Variants in RAB21 observed in about 807,000 individuals in gnomAD.
The protein encoded by RAB21 is RAB21, member RAS oncogene family.
In RAB21, 13 loss-of-function variants were observed where a neutral mutation model predicts 33.1. That is an observed-to-expected ratio of 0.39 (90% CI 0.26 to 0.62). The LOEUF (loss-of-function observed/expected upper bound fraction) is 0.62, where lower values mean the gene tolerates loss of function less well. Among genes scored for constraint, RAB21 ranks in the 20% least tolerant of loss-of-function variants. The pLI is 0.48. For synonymous variants in RAB21, 91 were observed against 103.7 expected (o/e 0.88, Z 0.74); for missense variants, 234 against 279.1 (o/e 0.84, Z 1.15).
At chr12:71,768,628 T>C (rs1228132346) in intron 1 of RAB21, among the ~76,000 whole-genome samples, 2 of 152,134 alleles carry the variant, frequency 1.3e-5, no homozygotes, top group East Asian at 3.9e-4. Context: ...TCCCTTCCTA[T>C]CCCAGGGTCA....
chr12:71,776,471 T>C (rs775113746), intron 4 of RAB21, among the ~76,000 whole-genome samples: 2 of 152,204 alleles, frequency 1.3e-5, no homozygotes, highest in Non-Finnish European at 2.9e-5. Flanking sequence ...TGTATATTTT[T>C]AATGTTCATA....
At chr12:71,761,789 A>G (rs1289070022) in intron 1 of RAB21, among the ~76,000 whole-genome samples, 1 of 152,084 alleles carries the variant, frequency 6.6e-6, no homozygotes, top group Non-Finnish European at 1.5e-5. Flanking sequence ...TTTTTGAGAC[A>G]CTTGGCTTTT....
rs1388359530 is a variant in RAB21, at chr12:71,789,789, A to G, written c.*4116A>G. ...TCTGTTATCTGTAATCAACTATAAC[A>G]GAGTAATATATTTGGTGTTCTGGAC... On this transcript the variant is annotated 3_prime_UTR_variant, in exon 7 of 7. Coordinates refer to ENST00000261263, the MANE Select transcript of RAB21 (RefSeq NM_014999.4). 5 of 152,294 alleles carry G rather than the reference A, an allele frequency of 3.3e-5. No homozygotes were observed. The highest frequency in any genetic ancestry group is 9.6e-5 in the African/African-American group (4 of 41,590). 9.4% of individuals were successfully genotyped at this position (152,294 alleles called of 1,614,324 possible).
rs1883324792 is a variant in RAB21, at chr12:71,788,269, ATTAT to A, written c.*2598_*2601del. 1 of 152,188 alleles carries A rather than the reference ATTAT, an allele frequency of 6.6e-6. No homozygotes were observed. The highest frequency in any genetic ancestry group is 2.4e-5 in the African/African-American group (1 of 41,460). The allele number at this position is 152,188 out of a possible 1,614,324, so 9.4% of individuals were successfully genotyped here. A position where few individuals can be genotyped will look rare whatever the true frequency, so the allele number is the denominator to read the frequency against. On this transcript the variant is annotated 3_prime_UTR_variant, in exon 7 of 7. Coordinates refer to ENST00000261263, the MANE Select transcript of RAB21 (RefSeq NM_014999.4). ...ACCTCTGCTCCAGAATTGCCAGATA[ATTAT>A]TGGTGGGTCATAACTATTCTTCATA...
chr12:71,763,490 A>AT lies in RAB21; in HGVS notation c.160-6301dup, dbSNP rs1193513383. ...TCCTCCTCCCTGTGATTACCTGTCG[A>AT]TTTTTTTTTAAATAGCATTTTCTTT... On this transcript the variant is annotated intron_variant, in intron 1 of 6. Transcript: ENST00000261263. Among the ~76,000 whole-genome samples the AT allele has an allele frequency of 2.3e-3, 346 of 150,384 alleles. 1 individual carries two copies. The highest frequency in any genetic ancestry group is 8.0e-3 in the African/African-American group (327 of 40,894).
chr12:71,755,448 C>T (rs1315647458), intron 1 of RAB21, among the ~76,000 whole-genome samples, 160 bp downstream of exon 1: 1 of 152,092 alleles, frequency 6.6e-6, no homozygotes, highest in East Asian at 1.9e-4. Flanking sequence ...GGGGAATCAC[C>T]AGGTCGGGGC....
At chr12:71,773,105 A>G (rs1220228408) in intron 3 of RAB21, among the ~76,000 whole-genome samples, 1 of 152,260 alleles carries the variant, frequency 6.6e-6, no homozygotes, top group Non-Finnish European at 1.5e-5. Context: ...GAATGAAGGC[A>G]GGTGTCCAAG....
In RAB21 at chr12:71,782,576, A is replaced by G. The variant is rs1364799089; in HGVS notation, c.453A>G (p.Ala151=). 1.3e-6 allele frequency: 2 copies of G among 1,589,832 alleles called. No individual in the cohort carries two copies. Among genetic ancestry groups the G allele is most frequent in the Non-Finnish European group, 1.7e-6 (2 of 1,165,318 alleles). The change falls in exon 6 of 7, where the codon GCA becomes GCG. Residue 151 remains alanine, a synonymous_variant. Coordinates refer to ENST00000261263, the MANE Select transcript of RAB21 (RefSeq NM_014999.4). ...GATGTTACTTTTTTTTAAGGTATGC[A>G]GAATCTGTGGGAGCAAAACATTATC... The part of the protein sequence containing the change: ...HVSIQEAESY[A]ESVGAKHYHT...
At chr12:71,758,317 G>A (rs1179524538) in intron 1 of RAB21, among the ~76,000 whole-genome samples, 1 of 152,066 alleles carries the variant, frequency 6.6e-6, no homozygotes, top group African/African-American at 2.4e-5. Context: ...ACAGGTGTGA[G>A]CCACCACTTC....
chr12:71,774,721 C>T (rs915293382), intron 4 of RAB21, among the ~76,000 whole-genome samples: 1 of 149,840 alleles, frequency 6.7e-6, no homozygotes, highest in Non-Finnish European at 1.5e-5. Context: ...CACGCCATTG[C>T]ACTCCAGCTT....
Position 71,769,792 on chromosome 12 carries a change from CT to C in RAB21, c.160-3del. 1 of 1,325,096 alleles carries C rather than the reference CT, an allele frequency of 7.5e-7. No individual in the cohort carries two copies. 82.1% of individuals were successfully genotyped at this position (1,325,096 alleles called of 1,614,324 possible). A position where few individuals can be genotyped will look rare whatever the true frequency, so the allele number is the denominator to read the frequency against. ...GAAACATTGTTTAATGTTTATTTCT[CT>C]TTTTAGGCATCATTCTTAACAAAGA... On this transcript the variant is annotated splice_polypyrimidine_tract_variant and splice_region_variant and intron_variant, in intron 1 of 6. Transcript: ENST00000261263.
Position 71,758,640 on chromosome 12 carries a change from T to C in RAB21, c.159+3352T>C, listed in dbSNP as rs1882824652. ...GGACCACAGGCGTGCGCCACCATGC[T>C]CGGCTAATTTTTTTTTTTTGGTAGA... On this transcript the variant is annotated intron_variant, in intron 1 of 6. Coordinates refer to ENST00000261263, the MANE Select transcript of RAB21 (RefSeq NM_014999.4). Among the ~76,000 whole-genome samples the C allele has an allele frequency of 3.4e-5, 3 of 87,230 alleles. No individual in the cohort carries two copies. The South Asian group carries it at 1.1e-3, about 32-fold the overall frequency. The allele number at this position is 87,230 out of a possible 152,430, so 57.2% of individuals were successfully genotyped here.
At chr12:71,772,247 C>T (rs1031116879) in intron 3 of RAB21, among the ~76,000 whole-genome samples, 1 of 152,170 alleles carries the variant, frequency 6.6e-6, no homozygotes, top group Non-Finnish European at 1.5e-5. Flanking sequence ...TCATCCAGTA[C>T]TCTCTCTATG....
chr12:71,796,413 C>G lies in RAB21; in HGVS notation c.*10740C>G, dbSNP rs930152533. The G allele has an allele frequency of 1.5e-5, 2 of 137,472 alleles. No individual in the cohort carries two copies. Among genetic ancestry groups the G allele is most frequent in the Non-Finnish European group, 3.0e-5 (2 of 65,990 alleles). 8.5% of individuals were successfully genotyped at this position (137,472 alleles called of 1,614,324 possible). ...ATTAACTTAGAGGTTAGAATGCTTACATTTGCAAATAGCCTGAGGAATAAA... is the reference window on the plus strand; with the variant it reads ...ATTAACTTAGAGGTTAGAATGCTTAGATTTGCAAATAGCCTGAGGAATAAA... On this transcript the variant is annotated 3_prime_UTR_variant, in exon 7 of 7. Coordinates refer to ENST00000261263, the MANE Select transcript of RAB21 (RefSeq NM_014999.4).
rs867939271 is a variant in RAB21, at chr12:71,777,240, A to G, written c.391+3218A>G. Among the ~76,000 whole-genome samples the G allele has an allele frequency of 1.1e-4, 16 of 152,158 alleles. No homozygotes were observed. In the South Asian group the frequency reaches 2.9e-3, roughly 28 times the overall value. On this transcript the variant is annotated intron_variant, in intron 4 of 6. Transcript: ENST00000261263. ...CTCACCATTCCCCACCCCCGTCACT[A>G]TCCTTTTTACTGCATGAATTAGTTT...
In RAB21 at chr12:71,792,923, G is replaced by T. The variant is rs113668454; in HGVS notation, c.*7250G>T. On this transcript the variant is annotated 3_prime_UTR_variant, in exon 7 of 7. Coordinates refer to ENST00000261263, the MANE Select transcript of RAB21 (RefSeq NM_014999.4). ...CCAAACTTTTGGAGTGAGATAATTA[G>T]AATGACAGTAGTTGAAGCTGACAGT... is the stretch of plus-strand genomic sequence containing the variant. 86 of 152,352 alleles carry T rather than the reference G, an allele frequency of 5.6e-4. 1 individual carries two copies. The highest frequency in any genetic ancestry group is 1.8e-3 in the African/African-American group (75 of 41,586). 9.4% of individuals were successfully genotyped at this position (152,352 alleles called of 1,614,324 possible).
intron 6 of RAB21, 132 bp from the exon 7 acceptor site, chr12:71,785,399 C>G (rs1883269233): frequency 1.9e-6 from 2 of 1,040,328 alleles, no homozygotes; most frequent in Non-Finnish European, 2.8e-6. Flanking sequence ...TGAGCTGACC[C>G]AATGTTCATT....
At chr12:71,784,352 A>T (rs2137659192) in intron 6 of RAB21, among the ~76,000 whole-genome samples, 1 of 152,302 alleles carries the variant, frequency 6.6e-6, no homozygotes, top group East Asian at 1.9e-4. Flanking sequence ...TTTATGTCTT[A>T]CATGAGAACT....
chr12:71,782,901 A>G (rs1463962358), intron 6 of RAB21, among the ~76,000 whole-genome samples: 1 of 152,046 alleles, frequency 6.6e-6, no homozygotes, highest in East Asian at 1.9e-4. Context: ...CTAAATATAT[A>G]TTATAATATA....
Sources: allele counts gnomAD v4.1 joint callset (sites outside exome capture counted in the v4.1 genomes callset), GRCh38; gene constraint gnomAD v4.1.1; transcripts MANE v1.5; gene names NCBI Gene and HGNC (gene_info 2026-07-23, HGNC 2026-07-21).